Variants in BBOX1 observed in about 807,000 individuals in gnomAD.
BBOX1 encodes gamma-butyrobetaine dioxygenase.
In BBOX1, 35 loss-of-function variants were observed where a neutral mutation model predicts 41.6. That is an observed-to-expected ratio of 0.84 (90% confidence interval 0.64 to 1.11). The LOEUF is 1.11. Among genes scored for constraint, BBOX1 ranks in the 50% most tolerant of loss-of-function variants. BBOX1 has a pLI of 0.00. For synonymous variants in BBOX1, 163 were observed against 154.7 expected (o/e 1.05, Z -0.40); for missense variants, 458 against 460.6 (o/e 0.99, Z 0.05).
intron 4 of BBOX1, among the ~76,000 whole-genome samples, chr11:27,088,111 A>G (rs1008929813): frequency 5.3e-5 from 8 of 151,822 alleles, no homozygotes; most frequent in African/African-American, 9.7e-5. Context: ...TTTATAATGG[A>G]AAAAAAAGCT....
At chr11:27,052,985 A>T (rs947646020) in intron 2 of BBOX1, among the ~76,000 whole-genome samples, 1 of 152,178 alleles carries the variant, frequency 6.6e-6, no homozygotes, top group Non-Finnish European at 1.5e-5. Flanking sequence ...ACTTCCAAAT[A>T]TATTTCATTG....
At chr11:27,085,555 ATCTCTCTCTC>A (rs59696795) in intron 4 of BBOX1, among the ~76,000 whole-genome samples, 71 of 134,828 alleles carry the variant, frequency 5.3e-4, no homozygotes, top group African/African-American at 1.3e-3. Context: ...ACATTCCCCC[ATCTCTCTCTC>A]TCTCTCTCTC....
intron 5 of BBOX1, among the ~76,000 whole-genome samples, chr11:27,101,095 G>C (rs1858632740): frequency 6.6e-6 from 1 of 152,096 alleles, no homozygotes; most frequent in Admixed American, 6.6e-5. Context: ...AGGTTTGCTT[G>C]ACTCAACAGC....
chr11:27,086,595 T>C (rs2134027397), intron 4 of BBOX1, among the ~76,000 whole-genome samples: 3 of 152,248 alleles, frequency 2.0e-5, no homozygotes, highest in Middle Eastern at 3.4e-3. Flanking sequence ...TATTAAGATG[T>C]ACAAGGAGAT....
At chr11:27,075,475 T>G (rs1448470032) in intron 4 of BBOX1, among the ~76,000 whole-genome samples, 1 of 152,056 alleles carries the variant, frequency 6.6e-6, no homozygotes, top group Non-Finnish European at 1.5e-5. Context: ...CACCCAATCA[T>G]CGGCAGAGGT....
intron 7 of BBOX1, among the ~76,000 whole-genome samples, chr11:27,121,034 T>C (rs1025473487): frequency 6.6e-6 from 1 of 152,110 alleles, no homozygotes; most frequent in African/African-American, 2.4e-5. Context: ...AGGAAGAGCA[T>C]AGCAAGATAA....
At chr11:27,114,295 G>T (rs1859181150) in intron 5 of BBOX1, among the ~76,000 whole-genome samples, 2 of 151,772 alleles carry the variant, frequency 1.3e-5, no homozygotes, top group South Asian at 2.1e-4. Flanking sequence ...TCGTGGATTG[G>T]AAGGCATAAA....
intron 6 of BBOX1, among the ~76,000 whole-genome samples, chr11:27,116,193 C>G (rs2134096514): frequency 6.6e-6 from 1 of 151,940 alleles, no homozygotes; most frequent in South Asian, 2.1e-4. Flanking sequence ...AAGATGGAAA[C>G]CATCATTCTC....
At chr11:27,109,895 T>C (rs1236875019) in intron 5 of BBOX1, among the ~76,000 whole-genome samples, 1 of 152,032 alleles carries the variant, frequency 6.6e-6, no homozygotes, top group African/African-American at 2.4e-5. Context: ...TTATTTTGTG[T>C]GCTCATTTGT....
intron 4 of BBOX1, among the ~76,000 whole-genome samples, chr11:27,084,055 G>A (rs1172123974): frequency 1.3e-5 from 2 of 152,084 alleles, no homozygotes; most frequent in Non-Finnish European, 2.9e-5. Context: ...GAGACAGCAT[G>A]CTTGGCCAGC....
Position 27,117,989 on chromosome 11 carries a change from C to A in BBOX1, c.640-1660C>A, listed in dbSNP as rs543487479. ...TCTGTCACACCACACTGATCCTGAGCTGGAATTTCTAACTATTATAATTTA... is the reference window on the plus strand; with the variant it reads ...TCTGTCACACCACACTGATCCTGAGATGGAATTTCTAACTATTATAATTTA... On this transcript the variant is annotated intron_variant, in intron 6 of 8. Coordinates refer to ENST00000263182, the MANE Select transcript of BBOX1 (RefSeq NM_003986.3). 7.9e-5 allele frequency among the ~76,000 whole-genome samples: 12 copies of A among 152,050 alleles called. No individual in the cohort carries two copies. In the South Asian group the frequency reaches 2.5e-3, roughly 32 times the overall value.
intron 3 of BBOX1, among the ~76,000 whole-genome samples, chr11:27,056,279 A>G (rs1233739242): frequency 6.6e-6 from 1 of 152,102 alleles, no homozygotes; most frequent in Non-Finnish European, 1.5e-5. Context: ...TATTTTTGAG[A>G]TGGAATCTTG....
At chr11:27,117,906 T>C (rs10835118) in intron 6 of BBOX1, among the ~76,000 whole-genome samples, 92,125 of 151,692 alleles carry the variant, frequency 0.61, 30,167 homozygotes, top group East Asian at 0.93. Flanking sequence ...AATATTTTTA[T>C]AGGGTGACAT....
At chr11:27,048,466 GGTGTGTGT>G (rs61210047) in intron 2 of BBOX1, among the ~76,000 whole-genome samples, 13 of 149,634 alleles carry the variant, frequency 8.7e-5, no homozygotes, top group East Asian at 2.0e-4. Flanking sequence ...ATAATATTGA[GGTGTGTGT>G]GTGTGTGTGT....
At chr11:27,099,580 G>A (rs898120085) in intron 5 of BBOX1, among the ~76,000 whole-genome samples, 29 of 152,050 alleles carry the variant, frequency 1.9e-4, no homozygotes, top group Admixed American at 9.8e-4. Context: ...CGCCCAAAAC[G>A]TTTAGGAAGA....
intron 2 of BBOX1, 45 bp downstream of exon 2, chr11:27,041,523 G>T (rs1171362385): frequency 6.6e-6 from 1 of 152,110 alleles, no homozygotes; most frequent in East Asian, 1.9e-4. Flanking sequence ...CTGAGAACAG[G>T]TATGATTGAG....
intron 4 of BBOX1, among the ~76,000 whole-genome samples, chr11:27,081,536 A>G (rs1857835485): frequency 6.6e-6 from 1 of 152,140 alleles, no homozygotes; most frequent in Non-Finnish European, 1.5e-5. Flanking sequence ...GTGTCTTTAT[A>G]GTAGAGTGAT....
chr11:27,046,802 G>A (rs901362402), intron 2 of BBOX1, among the ~76,000 whole-genome samples: 1 of 151,948 alleles, frequency 6.6e-6, no homozygotes, highest in African/African-American at 2.4e-5. Context: ...CTTCAACTGA[G>A]CTCAATTCTA....
At chr11:27,111,285 G>A (rs1859055017) in intron 5 of BBOX1, among the ~76,000 whole-genome samples, 1 of 151,816 alleles carries the variant, frequency 6.6e-6, no homozygotes, top group East Asian at 1.9e-4. Flanking sequence ...ACAAGTGGGA[G>A]CTAAACATTG....
Sources: gnomAD v4.1 joint callset for allele counts (sites outside exome capture counted in the v4.1 genomes callset) on GRCh38, gnomAD v4.1.1 for gene constraint, MANE v1.5 for transcripts, NCBI Gene and HGNC (gene_info 2026-07-23, HGNC 2026-07-21) for gene names.